Variants in SHKBP1 observed in about 807,000 individuals in gnomAD.
SHKBP1 encodes SH3KBP1-binding protein 1.
Under a neutral mutation model 83.9 loss-of-function variants are expected in SHKBP1, and 71 were observed. The observed-to-expected ratio is 0.85, with a 90% CI of 0.70 to 1.03. SHKBP1 has a LOEUF of 1.03. Among genes scored for constraint, SHKBP1 ranks in the 50% least tolerant of loss-of-function variants. The pLI, the probability that SHKBP1 is intolerant of heterozygous loss-of-function variation, is 0.00. For missense variants in SHKBP1, 824 were observed against 982.4 expected, an observed-to-expected ratio of 0.84 and a Z score of 2.16; for synonymous variants, 371 against 398.0, an observed-to-expected ratio of 0.93 and a Z score of 0.81.
At chr19:40,577,757 C>A in intron 4 of SHKBP1, 127 bp downstream of exon 4, 3 of 1,189,210 alleles carry the variant, frequency 2.5e-6, no homozygotes, top group South Asian at 1.3e-5. Context: ...TGATCACAGG[C>A]CGGGCGCGCC....
In SHKBP1 at chr19:40,580,758, C is replaced by G. The variant is rs1431787593; in HGVS notation, c.666C>G (p.Ala222=). The change falls in exon 9 of 18, where the codon GCC becomes GCG. Residue 222 remains alanine (A), a synonymous_variant. Transcript: ENST00000291842. The stretch of plus-strand genomic sequence containing the variant: ...CTCGATCCTACAGGTTGAAGGAAGC[C>G]TCTGGCTGGCAGCTGGTGTTTTCCA... ...QFLVCYRLKE[A]SGWQLVFSSP... 6.2e-7 allele frequency: 1 copy of G among 1,610,782 alleles called. No homozygotes were observed. Among genetic ancestry groups the G allele is most frequent in the Non-Finnish European group, 8.5e-7 (1 of 1,177,854 alleles).
intron 12 of SHKBP1, among the ~76,000 whole-genome samples, chr19:40,584,922 C>T (rs1364652979): frequency 1.3e-5 from 2 of 152,174 alleles, no homozygotes; most frequent in Non-Finnish European, 2.9e-5. Context: ...TTTGTGTCTG[C>T]ATTTTTCACT....
At position 40,577,195 on chromosome 19, in the gene SHKBP1, C is replaced by T. The variant is rs962873848; in HGVS notation, c.87-36C>T. ...GGGGACGCATTCCTCACCCGCTCCTCTTCATCTCTTGCGTCCGTTTACCTT... is the reference window on the plus strand; with the variant it reads ...GGGGACGCATTCCTCACCCGCTCCTTTTCATCTCTTGCGTCCGTTTACCTT... On this transcript the variant is annotated intron_variant, in intron 1 of 17. Transcript: ENST00000291842. 6 of 1,611,370 alleles carry T rather than the reference C, an allele frequency of 3.7e-6. No homozygotes were observed. The East Asian group carries it at 1.1e-4, about 30-fold the overall frequency.
Position 40,591,380 on chromosome 19 carries a change from T to A in SHKBP1, c.*173T>A. The A allele has an allele frequency of 1.8e-6, 1 of 548,508 alleles. No individual in the cohort carries two copies. The highest frequency in any genetic ancestry group is 1.9e-5 in the African/African-American group (1 of 52,154). The allele number at this position is 548,508 out of a possible 1,614,324, so 34.0% of individuals were successfully genotyped here. On this transcript the variant is annotated 3_prime_UTR_variant, in exon 18 of 18. Transcript: ENST00000291842. ...TGGAAGCCAAAGTCACCCTCCCCAA[T>A]AAAGTCCTCACTGCCAACATCTTGC...
chr19:40,587,522 C>T (rs1025979165), intron 13 of SHKBP1, among the ~76,000 whole-genome samples: 1 of 152,114 alleles, frequency 6.6e-6, no homozygotes. Context: ...ACCTGGGAGG[C>T]GGAGATTGCA....
chr19:40,587,003 A>G, intron 13 of SHKBP1, 59 bp downstream of exon 13: 1 of 1,467,866 alleles, frequency 6.8e-7, no homozygotes. Flanking sequence ...GAGTGTGGAG[A>G]CAGGAGGATG....
chr19:40,580,384 G>A lies in SHKBP1; in HGVS notation c.461G>A (p.Arg154Gln), dbSNP rs1338278581. 6.2e-6 allele frequency: 10 copies of A among 1,614,082 alleles called. No homozygotes were observed. Among genetic ancestry groups the A allele is most frequent in the Non-Finnish European group, 8.5e-6 (10 of 1,180,050 alleles). Residue 154 changes from arginine to glutamine, a missense_variant, in exon 7 of 18, where the codon CGG becomes CAG. This residue lies in a region of SHKBP1 where 355 missense variants were observed against 386.4 expected (regional missense o/e 0.92). Coordinates refer to ENST00000291842, the MANE Select transcript of SHKBP1 (RefSeq NM_138392.4). ...SLVGPQQLGGRPAPVRRSNTM... is the reference protein window; with the variant it reads ...SLVGPQQLGGQPAPVRRSNTM... ...GTGGGGCCTCAGCAGCTAGGAGGAC[G>A]GCCAGCCCCTGTCCGACGGAGCAAC...
At position 40,578,226 on chromosome 19, in the gene SHKBP1, C is replaced by G; in HGVS notation, c.319+14C>G. ...TCACTCCTCTGGGTAAGTGGGAGCC[C>G]CCAGCTATCATCCTCATTGTATAGA... is the stretch of plus-strand genomic sequence containing the variant. On this transcript the variant is annotated intron_variant, in intron 5 of 17. Transcript: ENST00000291842. 1 of 1,613,382 alleles carries G rather than the reference C, an allele frequency of 6.2e-7. No individual in the cohort carries two copies. The highest frequency in any genetic ancestry group is 1.3e-5 in the African/African-American group (1 of 75,030).
In SHKBP1 at chr19:40,590,789, C is replaced by T. The variant is rs368867252; in HGVS notation, c.1828C>T (p.Pro610Ser). The change falls in exon 17 of 18, where the codon CCG (proline) becomes TCG (serine). Residue 610 changes from proline (P) to serine (S), a missense_variant. Coordinates refer to ENST00000291842, the MANE Select transcript of SHKBP1 (RefSeq NM_138392.4). This position sits in a 1 kb window ranked among gnomAD's most constrained non-coding sequence, Gnocchi z 4.6. Reference protein sequence around the residue: ...EQLEHCELAPPAPSAPSWGCL... With the variant: ...EQLEHCELAPSAPSAPSWGCL... Reference sequence around the variant, plus strand: ...GCTGGAACACTGTGAGCTGGCCCCGCCGGCTCCTTCAGCTCCCTCATGGGG... The same window carrying T: ...GCTGGAACACTGTGAGCTGGCCCCGTCGGCTCCTTCAGCTCCCTCATGGGG... The T allele has an allele frequency of 4.7e-5, 76 of 1,602,592 alleles. No individual in the cohort carries two copies. The highest frequency in any genetic ancestry group is 6.2e-5 in the Non-Finnish European group (73 of 1,170,826).
Position 40,578,094 on chromosome 19 carries a change from C to G in SHKBP1, c.261-60C>G, listed in dbSNP as rs751162689. The G allele has an allele frequency of 4.3e-6, 6 of 1,401,486 alleles. No homozygotes were observed. In the Admixed American group the frequency reaches 1.0e-4, roughly 24 times the overall value. The allele number at this position is 1,401,486 out of a possible 1,614,324, so 86.8% of individuals were successfully genotyped here. A position where few individuals can be genotyped will look rare whatever the true frequency, so the allele number is the denominator to read the frequency against. Reference sequence around the variant, plus strand: ...TGTGCAGTTTTGAAAATTACCCTCTCAGCATTCTCTGTTCACCCCCACACC... The same window carrying G: ...TGTGCAGTTTTGAAAATTACCCTCTGAGCATTCTCTGTTCACCCCCACACC... On this transcript the variant is annotated intron_variant, in intron 4 of 17. Coordinates refer to ENST00000291842, the MANE Select transcript of SHKBP1 (RefSeq NM_138392.4).
At chr19:40,579,883 A>T (rs1364609828) in intron 6 of SHKBP1, among the ~76,000 whole-genome samples, 2 of 151,938 alleles carry the variant, frequency 1.3e-5, no homozygotes, top group African/African-American at 4.8e-5. Context: ...AATATAAAAG[A>T]TTAGCCATGT....
At chr19:40,589,754 G>T (rs2081342260) in intron 15 of SHKBP1, among the ~76,000 whole-genome samples, 1 of 152,094 alleles carries the variant, frequency 6.6e-6, no homozygotes, top group Admixed American at 6.5e-5. Flanking sequence ...ATGTGCAGAG[G>T]CTGAGAAGGG....
Position 40,582,362 on chromosome 19 carries a change from C to G in SHKBP1, c.856C>G (p.Leu286Val). The G allele has an allele frequency of 4.3e-6, 7 of 1,614,110 alleles. No individual in the cohort carries two copies. The highest frequency in any genetic ancestry group is 1.1e-5 in the South Asian group (1 of 91,082). ...GGGSEIGVFH[L>V]GVPVEALFFV... ...TTTGCCCACTGCAGGGGTCTTTCAT[C>G]TGGGGGTGCCTGTGGAGGCCTTGTT... The change falls in exon 10 of 18, where the codon CTG (leucine) becomes GTG (valine). Residue 286 changes from leucine to valine, a missense_variant. Physicochemically the swap from Leu to Val is conservative, Grantham distance 32. This residue lies in a region of SHKBP1 where 355 missense variants were observed against 386.4 expected (regional missense o/e 0.92). Coordinates refer to ENST00000291842, the MANE Select transcript of SHKBP1 (RefSeq NM_138392.4).
chr19:40,589,550 G>A (rs1192585007), intron 15 of SHKBP1, among the ~76,000 whole-genome samples: 1 of 106,352 alleles, frequency 9.4e-6, no homozygotes, highest in African/African-American at 3.5e-5. Flanking sequence ...GTTGGGGTGG[G>A]ATAGGGGGAC....
In SHKBP1 at chr19:40,588,705, C is replaced by A. The variant is rs951358614; in HGVS notation, c.1418C>A (p.Pro473Gln). 4 of 1,614,178 alleles carry A rather than the reference C, an allele frequency of 2.5e-6. No homozygotes were observed. The highest frequency in any genetic ancestry group is 3.4e-6 in the Non-Finnish European group (4 of 1,180,030). Residue 473 changes from proline to glutamine, a missense_variant, in exon 14 of 18, where the codon CCA becomes CAA. Physicochemically the swap from Pro to Gln is moderately conservative, Grantham distance 76 (BLOSUM62 -1). Around this residue, in one of 3 missense-constraint regions of SHKBP1, gnomAD observed 182 missense variants for 273.1 expected, o/e 0.67. Coordinates refer to ENST00000291842, the MANE Select transcript of SHKBP1 (RefSeq NM_138392.4). ...ATTTCCACCCAGCCCGGCTCCACCC[C>A]ACTCGCTTCCTTTAAGATCCTGGCT... ...GMISTQPGST[P>Q]LASFKILALE...
At chr19:40,580,238 A>G in intron 6 of SHKBP1, 86 bp from the exon 7 acceptor site, 2 of 1,471,452 alleles carry the variant, frequency 1.4e-6, no homozygotes, top group African/African-American at 2.8e-5. Context: ...CACATGGGGA[A>G]ATCAATCACC....
chr19:40,577,207 C>A, intron 1 of SHKBP1, 24 bp from the exon 2 acceptor site: 6 of 1,612,494 alleles, frequency 3.7e-6, no homozygotes, highest in Non-Finnish European at 5.1e-6. Context: ...TCATCTCTTG[C>A]GTCCGTTTAC....
In SHKBP1 at chr19:40,577,748, G is replaced by T. The variant is rs113808320; in HGVS notation, c.260+118G>T. ...TATTAGAATTCTCATTCAGAACCTT[G>T]ATCACAGGCCGGGCGCGCCGGGATT... On this transcript the variant is annotated intron_variant, in intron 4 of 17. Transcript: ENST00000291842. The T allele has an allele frequency of 3.4e-5, 45 of 1,327,802 alleles. 1 individual carries two copies. Among genetic ancestry groups the T allele is most frequent in the African/African-American group, 2.0e-4 (14 of 69,094 alleles). 82.3% of individuals were successfully genotyped at this position (1,327,802 alleles called of 1,614,324 possible).
At chr19:40,582,202 G>T (rs1194035853) in intron 9 of SHKBP1, 149 bp from the exon 10 acceptor site, 2 of 673,282 alleles carry the variant, frequency 3.0e-6, no homozygotes, top group Admixed American at 5.3e-5. Flanking sequence ...GATTACAGGT[G>T]TGAGCCACTG....
Sources: allele counts gnomAD v4.1 joint callset (sites outside exome capture counted in the v4.1 genomes callset), GRCh38; gene constraint gnomAD v4.1.1; regional missense constraint gnomAD v4.1.1; non-coding constraint Gnocchi (gnomAD v3.1); transcripts MANE v1.5; gene names NCBI Gene and HGNC (gene_info 2026-07-23, HGNC 2026-07-21).